ZBED4: variants seen among roughly 807,000 people sequenced by gnomAD.
ZBED4 encodes the protein zinc finger BED domain-containing protein 4.
ZBED4 carries 4 observed loss-of-function variants against 15.5 expected under a neutral mutation model. The observed-to-expected ratio is 0.26, with a 90% CI of 0.13 to 0.59. The LOEUF (loss-of-function observed/expected upper bound fraction) is 0.59, where lower values mean the gene tolerates loss of function less well. Among genes scored for constraint, ZBED4 ranks in the 20% least tolerant of loss-of-function variants. The pLI is 0.90. For missense variants in ZBED4, 1,323 were observed against 1,461.8 expected, an observed-to-expected ratio of 0.91 and a Z score of 1.55; for synonymous variants, 692 against 608.5, an observed-to-expected ratio of 1.14 and a Z score of -2.02.
At position 49,886,830 on chromosome 22, in the gene ZBED4, A is replaced by G. The variant is rs770169652; in HGVS notation, c.3168A>G (p.Lys1056=). 1 of 1,613,724 alleles carries G rather than the reference A, an allele frequency of 6.2e-7. No homozygotes were observed. Among genetic ancestry groups the G allele is most frequent in the African/African-American group, 1.3e-5 (1 of 74,892 alleles). Residue 1056 remains lysine (K), a synonymous_variant, in exon 2 of 2, where the codon AAA becomes AAG. Coordinates refer to ENST00000216268, the MANE Select transcript of ZBED4 (RefSeq NM_014838.3). This position sits in a 1 kb window ranked among gnomAD's most constrained non-coding sequence, Gnocchi z 7.7. Reference sequence around the variant, plus strand: ...GGTGTGATGCTGGCTCCCCGTCGAAAGACTCTGCCGCAGAGGAGAACCTGT... The same window carrying G: ...GGTGTGATGCTGGCTCCCCGTCGAAGGACTCTGCCGCAGAGGAGAACCTGT... ...SHRCDAGSPS[K]DSAAEENLWS... is the part of the protein sequence containing the mutation.
In ZBED4 at chr22:49,887,736, C is replaced by T. The variant is rs73891152; in HGVS notation, c.*558C>T. Reference sequence around the variant, plus strand: ...TATTCTGGAAGGTAACTGTTTACTACGACAGAGACGTGGCATTTGGAAACG... The same window carrying T: ...TATTCTGGAAGGTAACTGTTTACTATGACAGAGACGTGGCATTTGGAAACG... On this transcript the variant is annotated 3_prime_UTR_variant, in exon 2 of 2. Coordinates refer to ENST00000216268, the MANE Select transcript of ZBED4 (RefSeq NM_014838.3). 680 of 167,370 alleles carry T rather than the reference C, an allele frequency of 4.1e-3. 8 individuals carry two copies. Among genetic ancestry groups the T allele is most frequent in the African/African-American group, 0.016 (649 of 41,560 alleles). 10.4% of individuals were successfully genotyped at this position (167,370 alleles called of 1,614,324 possible).
Position 49,885,923 on chromosome 22 carries a change from A to C in ZBED4, c.2261A>C (p.Glu754Ala). Residue 754 changes from glutamate to alanine, a missense_variant, in exon 2 of 2, where the codon GAG becomes GCG. Physicochemically the swap from Glu to Ala is moderately radical, Grantham distance 107. Around this residue, in one of 6 missense-constraint regions of ZBED4, gnomAD observed 100 missense variants for 79.3 expected, o/e 1.26. Transcript: ENST00000216268. ...LTLTAHWVSF[E>A]SPARPRCDDH... is the part of the protein sequence containing the mutation. The stretch of plus-strand genomic sequence containing the variant: ...CTCACGGCCCACTGGGTTTCCTTCG[A>C]GTCGCCAGCCCGGCCGCGCTGTGAC... The C allele has an allele frequency of 1.1e-6, 1 of 893,964 alleles. No individual in the cohort carries two copies. The highest frequency in any genetic ancestry group is 1.8e-6 in the Non-Finnish European group (1 of 546,056). The allele number at this position is 893,964 out of a possible 1,614,324, so 55.4% of individuals were successfully genotyped here.
intron 1 of ZBED4, among the ~76,000 whole-genome samples, chr22:49,876,243 G>A (rs770011145): frequency 1.1e-4 from 17 of 152,140 alleles, no homozygotes; most frequent in Non-Finnish European, 1.9e-4. Context: ...TGTAAATAAT[G>A]TGTATTCCGT....
chr22:49,876,665 C>G (rs1262937445), intron 1 of ZBED4, among the ~76,000 whole-genome samples: 1 of 152,098 alleles, frequency 6.6e-6, no homozygotes, highest in Non-Finnish European at 1.5e-5. Context: ...TGAGAATACT[C>G]ACCGGCAGTG....
chr22:49,875,168 T>C (rs905832948), intron 1 of ZBED4, among the ~76,000 whole-genome samples: 6 of 152,144 alleles, frequency 3.9e-5, no homozygotes, highest in Non-Finnish European at 7.4e-5. Flanking sequence ...ATCAGGGTAA[T>C]GCTGCTGATA....
At chr22:49,873,955 A>G (rs1428544448) in intron 1 of ZBED4, among the ~76,000 whole-genome samples, 1 of 152,268 alleles carries the variant, frequency 6.6e-6, no homozygotes, top group Non-Finnish European at 1.5e-5. Context: ...GCCTGAAATT[A>G]GGACATTCCC....
intron 1 of ZBED4, among the ~76,000 whole-genome samples, chr22:49,867,657 C>T (rs549864894): frequency 6.6e-6 from 1 of 152,332 alleles, no homozygotes; most frequent in South Asian, 2.1e-4. Context: ...TACCTGTTGG[C>T]TACTTGGGGA....
Position 49,885,491 on chromosome 22 carries a change from A to C in ZBED4, c.1829A>C (p.Asn610Thr). Reference sequence around the variant, plus strand: ...AGACATTTACAGCGGTTCCATAGCAACGTGCTGAAAACTGAGGTCTCGGAG... The same window carrying C: ...AGACATTTACAGCGGTTCCATAGCACCGTGCTGAAAACTGAGGTCTCGGAG... Reference protein sequence around the residue: ...LLRHLQRFHSNVLKTEVSETA... With the variant: ...LLRHLQRFHSTVLKTEVSETA... Residue 610 changes from asparagine to threonine, a missense_variant, in exon 2 of 2, where the codon AAC becomes ACC. Asn to Thr is a moderately conservative substitution (Grantham distance 65). Transcript: ENST00000216268. The C allele has an allele frequency of 6.2e-7, 1 of 1,612,002 alleles. No homozygotes were observed. The highest frequency in any genetic ancestry group is 8.5e-7 in the Non-Finnish European group (1 of 1,178,154).
intron 1 of ZBED4, among the ~76,000 whole-genome samples, chr22:49,857,323 A>C (rs919917416): frequency 1.3e-5 from 2 of 152,344 alleles, no homozygotes; most frequent in Non-Finnish European, 2.9e-5. Context: ...GTATGGGTAC[A>C]CGGCGAGGGT....
intron 1 of ZBED4, among the ~76,000 whole-genome samples, chr22:49,860,157 G>A (rs1288456331): frequency 6.6e-6 from 1 of 152,040 alleles, no homozygotes; most frequent in African/African-American, 2.4e-5. Context: ...AAATCAGCCG[G>A]GCATGATGGT....
At chr22:49,880,819 G>T (rs2060405239) in intron 1 of ZBED4, among the ~76,000 whole-genome samples, 1 of 152,086 alleles carries the variant, frequency 6.6e-6, no homozygotes, top group Non-Finnish European at 1.5e-5. Context: ...AGGTCAATTT[G>T]GGAAAATACT....
rs1158576752 is a variant in ZBED4, at chr22:49,888,109, G to GT, written c.*932dup. On this transcript the variant is annotated 3_prime_UTR_variant, in exon 2 of 2. Coordinates refer to ENST00000216268, the MANE Select transcript of ZBED4 (RefSeq NM_014838.3). ...GGAAGAAGCTTGTTATATTCCAGTT[G>GT]TAAGAATAGCCTTAGTGTTTAGATT... is the stretch of plus-strand genomic sequence containing the variant. 3 of 167,216 alleles carry GT rather than the reference G, an allele frequency of 1.8e-5. No individual in the cohort carries two copies. The highest frequency in any genetic ancestry group is 7.2e-5 in the African/African-American group (3 of 41,450). The allele number at this position is 167,216 out of a possible 1,614,324, so 10.4% of individuals were successfully genotyped here.
In ZBED4 at chr22:49,884,415, G is replaced by T; in HGVS notation, c.753G>T (p.Leu251=). ...VSEKCGREEA[L]VGSSPHLPAL... is the part of the protein sequence containing the mutation. ...AGAAGTGCGGCAGAGAAGAAGCCCT[G>T]GTGGGGTCGTCTCCCCACCTCCCTG... The change falls in exon 2 of 2, where the codon CTG becomes CTT. Residue 251 remains leucine (L), a synonymous_variant. Coordinates refer to ENST00000216268, the MANE Select transcript of ZBED4 (RefSeq NM_014838.3). 6.2e-7 allele frequency: 1 copy of T among 1,613,798 alleles called. No individual in the cohort carries two copies. Among genetic ancestry groups the T allele is most frequent in the Non-Finnish European group, 8.5e-7 (1 of 1,179,844 alleles).
chr22:49,862,693 C>CTTTTTTTT (rs66520307), intron 1 of ZBED4, among the ~76,000 whole-genome samples: 1 of 59,014 alleles, frequency 1.7e-5, no homozygotes, highest in Non-Finnish European at 3.3e-5. Context: ...TAAGTTTTTC[C>CTTTTTTTT]TTTTTTTTTT....
chr22:49,887,102 C>G lies in ZBED4; in HGVS notation c.3440C>G (p.Ser1147Cys), dbSNP rs759482694. 3 of 1,614,068 alleles carry G rather than the reference C, an allele frequency of 1.9e-6. No homozygotes were observed. The South Asian group carries it at 3.3e-5, about 18-fold the overall frequency. Residue 1147 changes from serine (S) to cysteine (C), a missense_variant, in exon 2 of 2, where the codon TCC (serine) becomes TGC (cysteine). Ser to Cys is a moderately radical substitution (Grantham distance 112). Around this residue, in one of 6 missense-constraint regions of ZBED4, gnomAD observed 312 missense variants for 410.7 expected, o/e 0.76. Coordinates refer to ENST00000216268, the MANE Select transcript of ZBED4 (RefSeq NM_014838.3). ...ACTGAGAACGGTAGCCTTGGCCAAT[C>G]CAGGCTCATGATGGAACATTTTGAA... is the stretch of plus-strand genomic sequence containing the variant. ...TPTENGSLGQ[S>C]RLMMEHFEKL... is the part of the protein sequence containing the mutation.
intron 1 of ZBED4, among the ~76,000 whole-genome samples, chr22:49,858,633 GAC>G (rs1243291211): frequency 2.0e-5 from 3 of 152,182 alleles, no homozygotes; most frequent in Non-Finnish European, 4.4e-5. Flanking sequence ...CAGATATCTG[GAC>G]ACTTCTCTAA....
At chr22:49,872,187 C>G (rs1249452330) in intron 1 of ZBED4, among the ~76,000 whole-genome samples, 1 of 152,186 alleles carries the variant, frequency 6.6e-6, no homozygotes, top group Non-Finnish European at 1.5e-5. Context: ...GTTGTTTTAT[C>G]AATTATGCTT....
At chr22:49,878,031 G>A (rs188051994) in intron 1 of ZBED4, among the ~76,000 whole-genome samples, 3 of 152,088 alleles carry the variant, frequency 2.0e-5, no homozygotes, top group African/African-American at 7.2e-5. Context: ...GAGGCCAGGC[G>A]TGGTGGCTCA....
intron 1 of ZBED4, among the ~76,000 whole-genome samples, chr22:49,874,563 T>C (rs2060366079): frequency 6.6e-6 from 1 of 150,906 alleles, no homozygotes; most frequent in Non-Finnish European, 1.5e-5. Context: ...TTAGTAGACA[T>C]GGGATTTCAC....
Sources: gnomAD v4.1 joint callset for allele counts (sites outside exome capture counted in the v4.1 genomes callset) on GRCh38, gnomAD v4.1.1 for gene constraint, gnomAD v4.1.1 regional missense constraint, Gnocchi (gnomAD v3.1) non-coding constraint, MANE v1.5 for transcripts, NCBI Gene and HGNC (gene_info 2026-07-23, HGNC 2026-07-21) for gene names.